Variants in TULP2 observed in about 807,000 individuals in gnomAD.
TULP2 encodes tubby-related protein 2.
A neutral mutation model predicts 60.3 loss-of-function variants in TULP2; 64 were observed. The observed-to-expected ratio is 1.06, with a 90% CI of 0.87 to 1.31. The LOEUF (loss-of-function observed/expected upper bound fraction) is 1.31, where lower values mean the gene tolerates loss of function less well. Ranked by LOEUF, TULP2 falls within the 50% of genes most tolerant of loss-of-function variation. The pLI is 0.00. For synonymous variants in TULP2, 267 were observed against 265.4 expected (o/e 1.01, Z -0.06); for missense variants, 652 against 667.0 (o/e 0.98, Z 0.25).
At chr19:48,883,422 A>G (rs1206484301) in intron 11 of TULP2, among the ~76,000 whole-genome samples, 1 of 152,084 alleles carries the variant, frequency 6.6e-6, no homozygotes, top group East Asian at 1.9e-4. Flanking sequence ...TTCTTCTCTA[A>G]TAAACTTGCT....
chr19:48,887,920 T>A, intron 8 of TULP2, 30 bp downstream of exon 8: 2 of 1,594,566 alleles, frequency 1.3e-6, no homozygotes, highest in South Asian at 1.1e-5. Context: ...GGGGGCTTAC[T>A]CCCAAAGCTG....
chr19:48,891,594 G>C (rs1019784474), intron 6 of TULP2, among the ~76,000 whole-genome samples: 9 of 152,172 alleles, frequency 5.9e-5, no homozygotes, highest in African/African-American at 2.2e-4. Context: ...TCGTGCCACT[G>C]CGCTCCAGCC....
chr19:48,885,818 G>A (rs2037174832), intron 8 of TULP2, among the ~76,000 whole-genome samples: 1 of 152,122 alleles, frequency 6.6e-6, no homozygotes, highest in African/African-American at 2.4e-5. Flanking sequence ...CCAGGGGGCA[G>A]AGGTTGCAGT....
In TULP2 at chr19:48,887,311, C is replaced by CTTTTTTTTTTTTTT. The variant is rs58640342; in HGVS notation, c.948+625_948+638dup. Among the ~76,000 whole-genome samples, 72 of 39,374 alleles carry CTTTTTTTTTTTTTT rather than the reference C, an allele frequency of 1.8e-3. 22 individuals are homozygous for CTTTTTTTTTTTTTT. Among genetic ancestry groups the CTTTTTTTTTTTTTT allele is most frequent in the Non-Finnish European group, 3.0e-3 (58 of 19,332 alleles). 25.8% of individuals were successfully genotyped at this position (39,374 alleles called of 152,430 possible). A position where few individuals can be genotyped will look rare whatever the true frequency, so the allele number is the denominator to read the frequency against. ...CAAGTGTGAGCCACCGCGCCCAGCC[C>CTTTTTTTTTTTTTT]TTTTTTTTTTTTTTTTTTTTTTTTT... On this transcript the variant is annotated intron_variant, in intron 8 of 12. Coordinates refer to ENST00000221399, the MANE Select transcript of TULP2 (RefSeq NM_003323.3).
intron 9 of TULP2, among the ~76,000 whole-genome samples, chr19:48,884,499 G>A (rs2037162215): frequency 6.6e-6 from 1 of 150,662 alleles, no homozygotes; most frequent in Non-Finnish European, 1.5e-5. Context: ...GGCCGGGTAC[G>A]GTGGCTCACA....
At chr19:48,895,709 G>A (rs1568577612) in intron 4 of TULP2, among the ~76,000 whole-genome samples, 1 of 151,946 alleles carries the variant, frequency 6.6e-6, no homozygotes, top group Non-Finnish European at 1.5e-5. Context: ...GAGAAACACC[G>A]TCTCTACTAA....
Position 48,881,138 on chromosome 19 carries a change from A to G in TULP2, c.1448-12T>C. On this transcript the variant is annotated splice_polypyrimidine_tract_variant and intron_variant, in intron 12 of 12. Transcript: ENST00000221399. Reference sequence around the variant, plus strand: ...CACCAGATGTTCTTCTGAGAAGTGAATCAGGAACAAAGCCTTAGCCTGACT... The same window carrying G: ...CACCAGATGTTCTTCTGAGAAGTGAGTCAGGAACAAAGCCTTAGCCTGACT... 6.3e-7 allele frequency: 1 copy of G among 1,599,516 alleles called. No homozygotes were observed. The highest frequency in any genetic ancestry group is 8.6e-7 in the Non-Finnish European group (1 of 1,168,130).
rs1261784369 is a variant in TULP2, at chr19:48,884,052, C to T, written c.1062-6G>A. On this transcript the variant is annotated splice_region_variant and splice_polypyrimidine_tract_variant and intron_variant, in intron 9 of 12. Coordinates refer to ENST00000221399, the MANE Select transcript of TULP2 (RefSeq NM_003323.3). ...TGGTGCTGAAGACATTGGATCTGCT[C>T]CAGGAAGGGAATGGATAGAATAAAA... 3 of 1,611,362 alleles carry T rather than the reference C, an allele frequency of 1.9e-6. No individual in the cohort carries two copies. The East Asian group carries it at 6.7e-5, about 36-fold the overall frequency.
At chr19:48,883,652 G>T in intron 11 of TULP2, 102 bp downstream of exon 11, 1 of 1,303,768 alleles carries the variant, frequency 7.7e-7, no homozygotes, top group Non-Finnish European at 1.1e-6. Flanking sequence ...GCAACCCACT[G>T]GCCTCCTCTT....
At chr19:48,896,805 C>A (rs188143769) in intron 3 of TULP2, 163 of 415,490 alleles carry the variant, frequency 3.9e-4, no homozygotes, top group Admixed American at 7.1e-4. Context: ...CTTCTAGAAG[C>A]CTTGTTCCTT....
chr19:48,895,552 C>T (rs2037271301), intron 4 of TULP2, 49 bp from the exon 5 acceptor site: 1 of 1,569,064 alleles, frequency 6.4e-7, no homozygotes, highest in East Asian at 2.3e-5. Context: ...AAATTCCGGT[C>T]CTCAACCAAA....
intron 12 of TULP2, among the ~76,000 whole-genome samples, chr19:48,881,376 A>ATTTTTTT (rs72139613): frequency 1.1e-5 from 1 of 90,466 alleles, no homozygotes; most frequent in Non-Finnish European, 2.1e-5. Flanking sequence ...CGTCCGGCTA[A>ATTTTTTT]TTTTTTTTTT....
chr19:48,888,193 G>C lies in TULP2; in HGVS notation c.705C>G (p.Asn235Lys). Residue 235 changes from asparagine (N) to lysine (K), a missense_variant, in exon 8 of 13, where the codon AAC becomes AAG. By Grantham distance (94) the Asn-to-Lys change is moderately conservative. Coordinates refer to ENST00000221399, the MANE Select transcript of TULP2 (RefSeq NM_003323.3). ...STGTNSSAAH[N>K]EELSKALKGE... ...CTTTCAGGGCCTTGGACAACTCTTCGTTGTGTGCTGCTGAGGAGTTCGTCC... is the reference window on the plus strand; with the variant it reads ...CTTTCAGGGCCTTGGACAACTCTTCCTTGTGTGCTGCTGAGGAGTTCGTCC... The C allele has an allele frequency of 6.2e-7, 1 of 1,614,108 alleles. No homozygotes were observed. Among genetic ancestry groups the C allele is most frequent in the Non-Finnish European group, 8.5e-7 (1 of 1,179,984 alleles).
chr19:48,896,580 G>A, intron 3 of TULP2, 24 bp from the exon 4 acceptor site: 1 of 1,572,852 alleles, frequency 6.4e-7, no homozygotes, highest in Non-Finnish European at 8.6e-7. Flanking sequence ...AGAGGTGGGT[G>A]TCCGGGACAG....
At position 48,887,998 on chromosome 19, in the gene TULP2, G is replaced by A. The variant is rs770580164; in HGVS notation, c.900C>T (p.Gly300=). The change falls in exon 8 of 13, where the codon GGC becomes GGT. Residue 300 remains glycine (G), a synonymous_variant. Coordinates refer to ENST00000221399, the MANE Select transcript of TULP2 (RefSeq NM_003323.3). ...LTRDKHGVDK[G]LFPLYYLYLE... ...GGTAGAGGTAGTAGAGGGGGAACAA[G>A]CCCTTGTCCACGCCGTGCTTGTCAC... The A allele has an allele frequency of 5.0e-6, 8 of 1,614,174 alleles. No individual in the cohort carries two copies. Among genetic ancestry groups the A allele is most frequent in the Non-Finnish European group, 8.5e-7 (1 of 1,180,004 alleles).
At position 48,896,414 on chromosome 19, in the gene TULP2, A is replaced by G. The variant is rs759516661; in HGVS notation, c.211+16T>C. 5 of 1,591,138 alleles carry G rather than the reference A, an allele frequency of 3.1e-6. No individual in the cohort carries two copies. The South Asian group carries it at 4.5e-5, about 14-fold the overall frequency. On this transcript the variant is annotated intron_variant, in intron 4 of 12. Coordinates refer to ENST00000221399, the MANE Select transcript of TULP2 (RefSeq NM_003323.3). ...CCCTCCCCTCCAGGCGAACGCCCCC[A>G]GGGGTCTTTGGTCACCTCTGTCACC... is the stretch of plus-strand genomic sequence containing the variant.
intron 8 of TULP2, 35 bp from the exon 9 acceptor site, chr19:48,885,595 T>TG: frequency 1.3e-6 from 2 of 1,595,158 alleles, no homozygotes; most frequent in Non-Finnish European, 1.7e-6. Context: ...TAGAATGGAC[T>TG]TCTGGATGCT....
chr19:48,891,971 C>T (rs2037237195), intron 6 of TULP2, among the ~76,000 whole-genome samples: 1 of 152,206 alleles, frequency 6.6e-6, no homozygotes, highest in African/African-American at 2.4e-5. Context: ...CATCCCAGTG[C>T]AGTAAAGAGC....
intron 9 of TULP2, 36 bp downstream of exon 9, chr19:48,885,412 T>TACC: frequency 6.3e-7 from 1 of 1,580,974 alleles, no homozygotes; most frequent in South Asian, 1.1e-5. Flanking sequence ...AGCTCCCTGC[T>TACC]ACCTGCTCCT....
Sources: allele counts gnomAD v4.1 joint callset (sites outside exome capture counted in the v4.1 genomes callset), GRCh38; gene constraint gnomAD v4.1.1; transcripts MANE v1.5; gene names NCBI Gene and HGNC (gene_info 2026-07-23, HGNC 2026-07-21).